The following KIF3A variants were observed in gnomAD, a reference collection of about 807,000 sequenced individuals.
KIF3A encodes kinesin family member 3A.
Under a neutral mutation model 92.6 loss-of-function variants are expected in KIF3A, and 27 were observed. That is an observed-to-expected ratio of 0.29 (90% CI 0.21 to 0.40). The LOEUF is 0.40. Ranked by LOEUF, KIF3A falls within the 10% of genes least tolerant of loss-of-function variation. The probability of loss-of-function intolerance (pLI) is 1.00; values close to 1 mark genes in which losing one functional copy is unlikely to be tolerated. For synonymous variants in KIF3A, 250 were observed against 275.4 expected (o/e 0.91, Z 0.92); for missense variants, 581 against 872.6 (o/e 0.67, Z 4.21).
chr5:132,709,616 T>C (rs938544236), intron 9 of KIF3A, among the ~76,000 whole-genome samples: 4 of 152,208 alleles, frequency 2.6e-5, no homozygotes, highest in African/African-American at 9.6e-5. Context: ...ACAAATCTGT[T>C]ATCAGCTTTA....
chr5:132,719,426 A>T (rs1030240946), intron 5 of KIF3A, among the ~76,000 whole-genome samples: 4 of 151,948 alleles, frequency 2.6e-5, no homozygotes, highest in African/African-American at 9.7e-5. Context: ...TGGGTTTGAT[A>T]TATCTATCGT....
At chr5:132,734,857 T>C (rs563359126) in intron 1 of KIF3A, among the ~76,000 whole-genome samples, 3 of 152,246 alleles carry the variant, frequency 2.0e-5, no homozygotes, top group South Asian at 4.1e-4. Context: ...CTCAAGAAAA[T>C]AGTAGGTCCT....
At chr5:132,710,443 C>T (rs890674073) in intron 9 of KIF3A, among the ~76,000 whole-genome samples, 7 of 152,082 alleles carry the variant, frequency 4.6e-5, no homozygotes, top group African/African-American at 1.7e-4. Context: ...GGTGAAACCC[C>T]GTCTCTACTA....
chr5:132,731,428 T>C (rs1754227478), intron 2 of KIF3A, among the ~76,000 whole-genome samples: 1 of 152,132 alleles, frequency 6.6e-6, no homozygotes, highest in Non-Finnish European at 1.5e-5. Context: ...GAAAAAAAAT[T>C]ACATTTGACA....
rs1278013181 is a variant in KIF3A at position 132,711,077 on chromosome 5, CAAT to C, written c.1130-23_1130-21del. Reference sequence around the variant, plus strand: ...CTTCTCCTTGGACAGAAATTTAATACAATGTTTTTTATCCTGTACGAAGTCATT... The same window carrying C: ...CTTCTCCTTGGACAGAAATTTAATACGTTTTTTATCCTGTACGAAGTCATT... On this transcript the variant is annotated intron_variant, in intron 8 of 18. Coordinates refer to ENST00000403231, the MANE Select transcript of KIF3A (RefSeq NM_001300791.2). The C allele has an allele frequency of 4.4e-6, 7 of 1,606,676 alleles. No homozygotes were observed. The highest frequency in any genetic ancestry group is 6.0e-6 in the Non-Finnish European group (7 of 1,173,412).
intron 5 of KIF3A, 87 bp from the exon 6 acceptor site, chr5:132,717,071 A>C (rs950708021): frequency 6.2e-6 from 8 of 1,294,980 alleles, no homozygotes; most frequent in Non-Finnish European, 7.5e-6. Flanking sequence ...TAAAACACTT[A>C]ATTTTATCAC....
At chr5:132,707,123 T>G (rs1333458374) in intron 10 of KIF3A, among the ~76,000 whole-genome samples, 1 of 151,664 alleles carries the variant, frequency 6.6e-6, no homozygotes, top group African/African-American at 2.4e-5. Context: ...CCCAACCGGA[T>G]TAAGGGCTTT....
downstream of KIF3A, among the ~76,000 whole-genome samples, chr5:132,690,843 C>T (rs1752645914): frequency 2.6e-5 from 4 of 152,170 alleles, no homozygotes; most frequent in Admixed American, 2.0e-4. Flanking sequence ...AGGAGAATGG[C>T]GTGAACCCAG....
At chr5:132,718,099 G>C (rs1231487515) in intron 5 of KIF3A, among the ~76,000 whole-genome samples, 1 of 151,878 alleles carries the variant, frequency 6.6e-6, no homozygotes, top group Non-Finnish European at 1.5e-5. Context: ...ACTACAATCT[G>C]TCCTTTCATT....
chr5:132,712,093 G>T (rs1322587993), intron 8 of KIF3A, among the ~76,000 whole-genome samples: 2 of 152,146 alleles, frequency 1.3e-5, no homozygotes, highest in African/African-American at 4.8e-5. Flanking sequence ...CAGAGTCTTG[G>T]GAGAAGAAAT....
chr5:132,698,746 T>C (rs1752920817), intron 18 of KIF3A, among the ~76,000 whole-genome samples: 1 of 134,020 alleles, frequency 7.5e-6, no homozygotes, highest in African/African-American at 2.9e-5. Context: ...TTTTTTTTTT[T>C]TGAGACCAAG....
At chr5:132,702,426 T>C in intron 14 of KIF3A, 132 bp downstream of exon 14, 1 of 661,090 alleles carries the variant, frequency 1.5e-6, no homozygotes, top group Non-Finnish European at 2.4e-6. Flanking sequence ...AATTAAAAAT[T>C]GCACATAAAG....
At chr5:132,731,969 A>G (rs920004793) in intron 2 of KIF3A, among the ~76,000 whole-genome samples, 2 of 152,140 alleles carry the variant, frequency 1.3e-5, no homozygotes, top group African/African-American at 4.8e-5. Flanking sequence ...TCGGCCTCCA[A>G]TGTGCTGGGA....
intron 8 of KIF3A, among the ~76,000 whole-genome samples, chr5:132,713,649 T>A (rs143310190): frequency 2.6e-3 from 393 of 152,170 alleles, no homozygotes; most frequent in African/African-American, 8.1e-3. Flanking sequence ...AAAACAAGAA[T>A]TCAAACAGGT....
At chr5:132,705,009 TAA>T (rs1753159683) in intron 11 of KIF3A, among the ~76,000 whole-genome samples, 1 of 151,824 alleles carries the variant, frequency 6.6e-6, no homozygotes, top group African/African-American at 2.4e-5. Flanking sequence ...ACAAATGAAA[TAA>T]AAGAGTAAAT....
rs375252114 is a variant in KIF3A at position 132,711,077 on chromosome 5, C to T, written c.1130-20G>A. On this transcript the variant is annotated intron_variant, in intron 8 of 18. Transcript: ENST00000403231. ...CTTCTCCTTGGACAGAAATTTAATACAATGTTTTTTATCCTGTACGAAGTC... is the reference window on the plus strand; with the variant it reads ...CTTCTCCTTGGACAGAAATTTAATATAATGTTTTTTATCCTGTACGAAGTC... The T allele has an allele frequency of 9.5e-5, 153 of 1,606,672 alleles. No homozygotes were observed. Among genetic ancestry groups the T allele is most frequent in the East Asian group, 2.2e-5 (1 of 44,802 alleles).
chr5:132,737,289 C>A (rs560959625), intron 1 of KIF3A, 125 bp downstream of exon 1: 4 of 1,108,038 alleles, frequency 3.6e-6, no homozygotes, highest in East Asian at 3.1e-5. Context: ...CTCCACCGCA[C>A]GACCGAGCCT....
At chr5:132,718,603 C>G (rs1178878839) in intron 5 of KIF3A, among the ~76,000 whole-genome samples, 1 of 151,980 alleles carries the variant, frequency 6.6e-6, no homozygotes, top group Non-Finnish European at 1.5e-5. Flanking sequence ...AGCCACCACA[C>G]TCAGCTTGTT....
At chr5:132,717,887 C>T (rs1432704631) in intron 5 of KIF3A, among the ~76,000 whole-genome samples, 1 of 151,852 alleles carries the variant, frequency 6.6e-6, no homozygotes. Context: ...AATGAAGTGA[C>T]CAAAAGCTCC....
Sources: gnomAD v4.1 joint callset for allele counts (sites outside exome capture counted in the v4.1 genomes callset) on GRCh38, gnomAD v4.1.1 for gene constraint, MANE v1.5 for transcripts, NCBI Gene and HGNC (gene_info 2026-07-23, HGNC 2026-07-21) for gene names.